WASF3: variants seen among roughly 807,000 people sequenced by gnomAD.
The protein encoded by WASF3 is WASP family member 3.
In WASF3, 11 loss-of-function variants were observed where a neutral mutation model predicts 46.6. The observed-to-expected ratio is 0.24, with a 90% CI of 0.15 to 0.39. The LOEUF (loss-of-function observed/expected upper bound fraction) is 0.39. WASF3 is among the 10% of genes least tolerant of loss of function. The pLI is 1.00. For missense variants in WASF3, 576 were observed against 669.8 expected (o/e 0.86, Z 1.55); for synonymous variants, 242 against 259.7 (o/e 0.93, Z 0.65).
intron 5 of WASF3, among the ~76,000 whole-genome samples, chr13:26,669,779 G>C (rs1882877620): frequency 6.6e-6 from 1 of 152,214 alleles, no homozygotes; most frequent in South Asian, 2.1e-4. Flanking sequence ...CTCCCAAAGT[G>C]CTGGGATCAC....
intron 6 of WASF3, among the ~76,000 whole-genome samples, chr13:26,673,355 G>A (rs1449644221): frequency 6.6e-6 from 1 of 152,084 alleles, no homozygotes; most frequent in Non-Finnish European, 1.5e-5. Flanking sequence ...ATAAAATTCT[G>A]ATAAGAATTT....
chr13:26,613,627 G>A (rs1881046392), intron 2 of WASF3, among the ~76,000 whole-genome samples: 1 of 152,068 alleles, frequency 6.6e-6, no homozygotes, highest in Non-Finnish European at 1.5e-5. Context: ...ACAATTAGTC[G>A]GGTGTGGTGG....
intron 1 of WASF3, among the ~76,000 whole-genome samples, chr13:26,598,754 CTT>C (rs1275069666): frequency 6.6e-6 from 1 of 152,178 alleles, no homozygotes; most frequent in African/African-American, 2.4e-5. Context: ...GGAGATTTCT[CTT>C]TGTTTTATAG....
chr13:26,560,065 C>T (rs1273044921), intron 1 of WASF3, among the ~76,000 whole-genome samples: 1 of 151,946 alleles, frequency 6.6e-6, no homozygotes, highest in Non-Finnish European at 1.5e-5. Context: ...TTGATCCGCC[C>T]ACCTCGGCCT....
At chr13:26,644,027 T>A (rs924005160) in intron 3 of WASF3, among the ~76,000 whole-genome samples, 7 of 152,188 alleles carry the variant, frequency 4.6e-5, no homozygotes, top group Non-Finnish European at 1.0e-4. Context: ...TCTGGTTTGG[T>A]TCAGTGTAAT....
chr13:26,611,196 T>G (rs190976471), intron 1 of WASF3, among the ~76,000 whole-genome samples: 195 of 152,200 alleles, frequency 1.3e-3, no homozygotes, highest in Admixed American at 9.4e-3. Flanking sequence ...CTAGTCAGAC[T>G]CATCCTGACT....
chr13:26,672,324 T>C (rs1394988131), intron 6 of WASF3, among the ~76,000 whole-genome samples: 1 of 152,190 alleles, frequency 6.6e-6, no homozygotes, highest in African/African-American at 2.4e-5. Context: ...TGCAGCACAA[T>C]GATGTGCTTT....
At chr13:26,593,918 A>G (rs537103589) in intron 1 of WASF3, among the ~76,000 whole-genome samples, 38 of 152,246 alleles carry the variant, frequency 2.5e-4, no homozygotes, top group African/African-American at 8.7e-4. Context: ...TGGCTGATTT[A>G]GTTGCTTCTG....
intron 3 of WASF3, among the ~76,000 whole-genome samples, chr13:26,658,328 A>AT (rs375402651): frequency 6.6e-6 from 1 of 152,366 alleles, no homozygotes; most frequent in African/African-American, 2.4e-5. Context: ...ACATTCAGAA[A>AT]TAAAGAACTG....
At chr13:26,585,514 A>T (rs1217227175) in intron 1 of WASF3, among the ~76,000 whole-genome samples, 1 of 152,214 alleles carries the variant, frequency 6.6e-6, no homozygotes, top group Non-Finnish European at 1.5e-5. Flanking sequence ...TGTTACTGCT[A>T]GTTGGTAAGC....
chr13:26,555,636 A>G (rs1230380577), upstream of WASF3, among the ~76,000 whole-genome samples: 1 of 152,176 alleles, frequency 6.6e-6, no homozygotes, highest in East Asian at 1.9e-4. Flanking sequence ...AATGCTTACA[A>G]GGGAAGCAGG....
intron 2 of WASF3, among the ~76,000 whole-genome samples, chr13:26,631,864 G>C (rs1881661205): frequency 6.6e-6 from 1 of 152,180 alleles, no homozygotes; most frequent in African/African-American, 2.4e-5. Context: ...GTGGTTTGTA[G>C]TTCTCCTTGA....
intron 1 of WASF3, among the ~76,000 whole-genome samples, chr13:26,572,442 A>G (rs928480194): frequency 1.3e-5 from 2 of 152,202 alleles, no homozygotes; most frequent in African/African-American, 2.4e-5. Flanking sequence ...AGGAATGAAT[A>G]CTGAATTTTG....
chr13:26,653,675 C>A (rs1254271682), intron 3 of WASF3, among the ~76,000 whole-genome samples: 1 of 152,170 alleles, frequency 6.6e-6, no homozygotes. Flanking sequence ...CAGTGATCTT[C>A]CCCACTTGGC....
At chr13:26,592,450 C>T (rs988045659) in intron 1 of WASF3, among the ~76,000 whole-genome samples, 2 of 152,178 alleles carry the variant, frequency 1.3e-5, no homozygotes, top group Admixed American at 1.3e-4. Flanking sequence ...ATGAAGTCCA[C>T]GAACACAGTT....
At chr13:26,605,966 G>A (rs1566048569) in intron 1 of WASF3, among the ~76,000 whole-genome samples, 1 of 152,128 alleles carries the variant, frequency 6.6e-6, no homozygotes, top group Non-Finnish European at 1.5e-5. Flanking sequence ...GATTGAGAGG[G>A]TGCCATGAAT....
chr13:26,593,579 C>T (rs796232826), intron 1 of WASF3, among the ~76,000 whole-genome samples: 12 of 152,198 alleles, frequency 7.9e-5, no homozygotes, highest in African/African-American at 2.9e-4. Flanking sequence ...TGTGCCTTAG[C>T]ATTTATTTCA....
At chr13:26,649,448 T>A (rs1196339252) in intron 3 of WASF3, among the ~76,000 whole-genome samples, 2 of 152,138 alleles carry the variant, frequency 1.3e-5, no homozygotes, top group Non-Finnish European at 2.9e-5. Flanking sequence ...TTAAAGAGCT[T>A]GGAAGTCACT....
intron 3 of WASF3, among the ~76,000 whole-genome samples, chr13:26,658,272 G>C (rs548263): frequency 0.28 from 43,212 of 151,930 alleles, 6,580 homozygotes; most frequent in East Asian, 0.57. Context: ...ACTATGAATG[G>C]TCAAGCAGAA....
Sources: allele counts gnomAD v4.1 joint callset (sites outside exome capture counted in the v4.1 genomes callset), GRCh38; gene constraint gnomAD v4.1.1; transcripts MANE v1.5; gene names NCBI Gene and HGNC (gene_info 2026-07-23, HGNC 2026-07-21).